ANO7: variants seen among roughly 807,000 people sequenced by gnomAD.
The protein encoded by ANO7 is anoctamin-7.
A neutral mutation model predicts 115.8 loss-of-function variants in ANO7; 114 were observed. The ratio of observed to expected loss-of-function variants is 0.98; its 90% CI spans 0.85 to 1.15. The LOEUF is 1.15. Among genes scored for constraint, ANO7 ranks in the 50% most tolerant of loss-of-function variants. ANO7 has a pLI of 0.00. For missense variants in ANO7, 1,302 were observed against 1,201.2 expected (o/e 1.08, Z -1.24); for synonymous variants, 550 against 498.2 (o/e 1.10, Z -1.38).
At position 241,195,781 on chromosome 2, in the gene ANO7, T is replaced by G. The variant is rs200513533; in HGVS notation, c.245T>G (p.Met82Arg). The change falls in exon 4 of 25, where the codon ATG becomes AGG. Residue 82 changes from methionine (M) to arginine (R), a missense_variant. Transcript: ENST00000674324. The part of the protein sequence containing the change: ...QDSAARDRTD[M>R]HRTWRETFLD... ...AGTGCCGCCCGGGACAGAACAGACA[T>G]GCACAGGACCTGGCGGGAGACTTTT... 3 of 1,614,236 alleles carry G rather than the reference T, an allele frequency of 1.9e-6. No homozygotes were observed. Among genetic ancestry groups the G allele is most frequent in the East Asian group, 2.2e-5 (1 of 44,888 alleles).
At chr2:241,210,706 A>C in intron 15 of ANO7, 136 bp downstream of exon 15, 1 of 776,532 alleles carries the variant, frequency 1.3e-6, no homozygotes, top group Non-Finnish European at 2.1e-6. Flanking sequence ...TTGAGACAGG[A>C]TCTCACTCTG....
Position 241,203,412 on chromosome 2 carries a change from G to A in ANO7, c.803G>A (p.Arg268His), listed in dbSNP as rs144432512. ...QRQVLFQHWA[R>H]WGKWNKYQPL... ...CAAGTCCTTTTCCAGCACTGGGCGC[G>A]CTGGGGCAAGTGGAACAAGTACCAG... is the stretch of plus-strand genomic sequence containing the variant. The change falls in exon 9 of 25, where the codon CGC becomes CAC. Residue 268 changes from arginine to histidine, a missense_variant. Arg to His is a conservative substitution (Grantham distance 29). Transcript: ENST00000674324. The surrounding 1 kb of genome is among the most constrained non-coding windows in gnomAD (Gnocchi z 4.8). The A allele has an allele frequency of 1.3e-5, 20 of 1,596,116 alleles. No individual in the cohort carries two copies. Among genetic ancestry groups the A allele is most frequent in the Middle Eastern group, 1.7e-4 (1 of 5,992 alleles).
intron 17 of ANO7, chr2:241,212,993 A>C (rs373628287): frequency 8.7e-5 from 21 of 241,352 alleles, no homozygotes; most frequent in African/African-American, 4.4e-4. Flanking sequence ...AAAGCAAACC[A>C]AAAACCCTAC....
At chr2:241,208,916 A>G (rs11680501) in intron 11 of ANO7, among the ~76,000 whole-genome samples, 124,172 of 151,512 alleles carry the variant, frequency 0.82, 51,644 homozygotes, top group African/African-American at 0.94. Flanking sequence ...TTGGGAGGCC[A>G]AGGCGGGTGG....
At chr2:241,196,118 T>C in intron 4 of ANO7, 1 of 1,383,242 alleles carries the variant, frequency 7.2e-7, no homozygotes, top group Non-Finnish European at 9.3e-7. Flanking sequence ...GACACTACCT[T>C]TGCCATTCAC....
chr2:241,229,468 C>T (rs11552802), downstream of ANO7: 1 of 688,932 alleles, frequency 1.5e-6, no homozygotes, highest in Non-Finnish European at 2.5e-6. Flanking sequence ...GCTAGGCTCC[C>T]TGCGGGACCT....
the ANO7 span, among the ~76,000 whole-genome samples, chr2:241,234,171 AAGG>A: frequency 6.6e-6 from 1 of 152,200 alleles, no homozygotes; most frequent in Non-Finnish European, 1.5e-5. Flanking sequence ...GCTGCTCCAC[AAGG>A]AGGTCTATAA....
chr2:241,235,857 C>T, the ANO7 span, among the ~76,000 whole-genome samples: 29 of 152,350 alleles, frequency 1.9e-4, no homozygotes, highest in African/African-American at 6.3e-4. Context: ...TTCAGGCCCA[C>T]GTAGGAGGAG....
downstream of ANO7, chr2:241,228,188 C>G (rs1214571679): frequency 6.6e-6 from 1 of 152,288 alleles, no homozygotes; most frequent in East Asian, 1.9e-4. Context: ...TTTTCCAAAA[C>G]TCAAGTACCT....
chr2:241,204,308 G>C (rs2068539727), intron 9 of ANO7, among the ~76,000 whole-genome samples: 1 of 152,142 alleles, frequency 6.6e-6, no homozygotes, highest in African/African-American at 2.4e-5. Context: ...AGTCAGGCAG[G>C]AGACAGGACA....
Position 241,224,549 on chromosome 2 carries a change from C to T in ANO7, c.*396C>T, listed in dbSNP as rs2069112268. 1 of 233,350 alleles carries T rather than the reference C, an allele frequency of 4.3e-6. No homozygotes were observed. Among genetic ancestry groups the T allele is most frequent in the Admixed American group, 5.1e-5 (1 of 19,598 alleles). 14.5% of individuals were successfully genotyped at this position (233,350 alleles called of 1,614,324 possible). ...CTCTCCTCTTACACCTGGTGACCTT[C>T]GAATGTTTCAGAGCGCAGGGCCGTT... On this transcript the variant is annotated 3_prime_UTR_variant, in exon 25 of 25. Transcript: ENST00000674324.
chr2:241,222,444 G>C (rs2069046423), intron 21 of ANO7, among the ~76,000 whole-genome samples: 3 of 151,850 alleles, frequency 2.0e-5, no homozygotes, highest in African/African-American at 7.3e-5. Context: ...TGTGCTCTCT[G>C]TGTTGCCGCA....
chr2:241,198,877 C>A (rs191437159), intron 4 of ANO7, among the ~76,000 whole-genome samples: 1 of 152,206 alleles, frequency 6.6e-6, no homozygotes, highest in South Asian at 2.1e-4. Context: ...CACATACACA[C>A]GGAAACATGT....
chr2:241,227,189 C>T (rs1399394821), downstream of ANO7: 1 of 152,412 alleles, frequency 6.6e-6, no homozygotes, highest in African/African-American at 2.4e-5. Context: ...GAGAAAATCA[C>T]ACCAAAGACG....
chr2:241,218,851 AT>A (rs1559457080), intron 21 of ANO7, among the ~76,000 whole-genome samples: 2 of 152,226 alleles, frequency 1.3e-5, no homozygotes, highest in Non-Finnish European at 2.9e-5. Flanking sequence ...GGCTACATAC[AT>A]CAGCTAACGG....
the ANO7 span, chr2:241,239,854 C>T: frequency 6.2e-7 from 1 of 1,611,674 alleles, no homozygotes; most frequent in African/African-American, 1.3e-5. The surrounding 1 kb of genome is among the most constrained non-coding windows in gnomAD (Gnocchi z 4.6). Flanking sequence ...AGATAAGCCA[C>T]CCCATCACGG....
chr2:241,231,196 C>T, the ANO7 span: 1 of 411,706 alleles, frequency 2.4e-6, no homozygotes, highest in Non-Finnish European at 4.5e-6. Context: ...ACCAGCCTGA[C>T]CAACATGGAG....
At position 241,224,132 on chromosome 2, in the gene ANO7, GGCCAGCCAGCTGCAGCAGTGAC is replaced by G. The variant is rs544846502; in HGVS notation, c.2623_*4del. The stretch of plus-strand genomic sequence containing the variant: ...ACTGGACACCCTTCACGGTTCCCAA[GGCCAGCCAGCTGCAGCAGTGAC>G]GCCTGGAAGGACATCTGGTGGTCCT... On this transcript the variant is annotated stop_lost and 3_prime_UTR_variant, in exon 25 of 25. Coordinates refer to ENST00000674324, the MANE Select transcript of ANO7 (RefSeq NM_001370694.2). 4.3e-3 allele frequency: 6,936 copies of G among 1,613,610 alleles called. 11 individuals are homozygous for G. Among genetic ancestry groups the G allele is most frequent in the Non-Finnish European group, 5.1e-3 (6,059 of 1,179,610 alleles).
the ANO7 span, among the ~76,000 whole-genome samples, chr2:241,233,038 T>G: frequency 4.6e-5 from 7 of 151,390 alleles, no homozygotes; most frequent in African/African-American, 1.7e-4. This position sits in a 1 kb window ranked among gnomAD's most constrained non-coding sequence, Gnocchi z 4.3. Flanking sequence ...ACATCCACAG[T>G]GGGAGCGAGG....
Sources: gnomAD v4.1 joint callset for allele counts (sites outside exome capture counted in the v4.1 genomes callset) on GRCh38, gnomAD v4.1.1 for gene constraint, Gnocchi (gnomAD v3.1) non-coding constraint, MANE v1.5 for transcripts, NCBI Gene and HGNC (gene_info 2026-07-23, HGNC 2026-07-21) for gene names.